The following PKP4 variants were observed in gnomAD, a reference collection of about 807,000 sequenced individuals.
The protein encoded by PKP4 is plakophilin 4.
PKP4 carries 90 observed loss-of-function variants against 145.1 expected under a neutral mutation model. The ratio of observed to expected loss-of-function variants is 0.62; its 90% CI spans 0.52 to 0.74. The LOEUF (loss-of-function observed/expected upper bound fraction) is 0.74, where lower values mean the gene tolerates loss of function less well. Ranked by LOEUF, PKP4 falls within the 30% of genes least tolerant of loss-of-function variation. The probability of loss-of-function intolerance (pLI) is 0.00; values close to 1 mark genes in which losing one functional copy is unlikely to be tolerated. For missense variants in PKP4, 1,340 were observed against 1,482.7 expected, an observed-to-expected ratio of 0.90 and a Z score of 1.58; for synonymous variants, 563 against 577.2, an observed-to-expected ratio of 0.98 and a Z score of 0.35.
chr2:158,648,489 G>A (rs971598426), intron 11 of PKP4, among the ~76,000 whole-genome samples: 8 of 152,254 alleles, frequency 5.3e-5, no homozygotes, highest in African/African-American at 1.7e-4. Context: ...ATTACTTGCC[G>A]TTACAGGATG....
intron 10 of PKP4, among the ~76,000 whole-genome samples, chr2:158,642,035 T>TG (rs1200352251): frequency 1.3e-5 from 2 of 150,990 alleles, no homozygotes; most frequent in Non-Finnish European, 3.0e-5. Context: ...TGGTGGGGGG[T>TG]GGGGGGCACA....
At chr2:158,654,925 G>A (rs936518414) in intron 11 of PKP4, among the ~76,000 whole-genome samples, 8 of 152,010 alleles carry the variant, frequency 5.3e-5, no homozygotes, top group African/African-American at 1.9e-4. Flanking sequence ...TAAAAGGATG[G>A]ATAATGATAG....
chr2:158,564,243 T>C (rs988614113), intron 2 of PKP4, among the ~76,000 whole-genome samples: 2 of 152,098 alleles, frequency 1.3e-5, no homozygotes, highest in East Asian at 3.9e-4. Context: ...AACAAACCTA[T>C]GTAGGCTTTG....
At chr2:158,498,904 A>ACAGCTGATGGTGGTGACAG (rs1696148103) in intron 1 of PKP4, among the ~76,000 whole-genome samples, 2 of 150,286 alleles carry the variant, frequency 1.3e-5, no homozygotes, top group Non-Finnish European at 2.9e-5. Flanking sequence ...TTTCTGCAGC[A>ACAGCTGATGGTGGTGACAG]CAGCTGATGG....
chr2:158,676,760 C>A lies in PKP4; in HGVS notation c.3149C>A (p.Pro1050Gln). 1.2e-6 allele frequency: 2 copies of A among 1,614,080 alleles called. No homozygotes were observed. The highest frequency in any genetic ancestry group is 1.7e-6 in the Non-Finnish European group (2 of 1,179,942). Residue 1050 changes from proline (P) to glutamine (Q), a missense_variant, in exon 20 of 22, where the codon CCA becomes CAA. Coordinates refer to ENST00000389759, the MANE Select transcript of PKP4 (RefSeq NM_003628.6). Reference protein sequence around the residue: ...IQSVGSTSSSPALLGIRDPRS... With the variant: ...IQSVGSTSSSQALLGIRDPRS... Reference sequence around the variant, plus strand: ...TCAGTCGGCAGCACCTCTTCCTCACCAGCACTGTTAGGAATCAGAGACCCT... The same window carrying A: ...TCAGTCGGCAGCACCTCTTCCTCACAAGCACTGTTAGGAATCAGAGACCCT...
intron 2 of PKP4, among the ~76,000 whole-genome samples, chr2:158,538,723 G>A (rs1461394515): frequency 2.0e-5 from 3 of 151,840 alleles, no homozygotes; most frequent in Non-Finnish European, 2.9e-5. Context: ...TGTATTTTTA[G>A]TAGAGACGAG....
chr2:158,676,923 G>A (rs553455823), intron 20 of PKP4, 56 bp downstream of exon 20: 141 of 1,608,816 alleles, frequency 8.8e-5, no homozygotes, highest in Non-Finnish European at 1.1e-4. Context: ...ATTTCCAGGC[G>A]CTTGGCCAGT....
intron 11 of PKP4, among the ~76,000 whole-genome samples, chr2:158,656,185 A>G (rs2055899245): frequency 6.6e-6 from 1 of 152,138 alleles, no homozygotes; most frequent in Non-Finnish European, 1.5e-5. Flanking sequence ...AGTTCCTCAC[A>G]TGGCTGCCCC....
At chr2:158,674,122 G>C in intron 19 of PKP4, 122 bp downstream of exon 19, 1 of 749,328 alleles carries the variant, frequency 1.3e-6, no homozygotes, top group South Asian at 1.5e-5. Flanking sequence ...CCATGCAGCA[G>C]AGAACCTTCT....
At chr2:158,565,212 T>C (rs2046869858) in intron 2 of PKP4, among the ~76,000 whole-genome samples, 1 of 152,192 alleles carries the variant, frequency 6.6e-6, no homozygotes, top group African/African-American at 2.4e-5. Context: ...TACTGCCCGA[T>C]ATTATTATTT....
chr2:158,543,960 G>A (rs1157175654), intron 2 of PKP4, among the ~76,000 whole-genome samples: 1 of 152,132 alleles, frequency 6.6e-6, no homozygotes, highest in Non-Finnish European at 1.5e-5. Context: ...ATCACTTTGC[G>A]GTTCAGGAAT....
At chr2:158,649,249 T>A (rs1418981616) in intron 11 of PKP4, among the ~76,000 whole-genome samples, 1 of 152,100 alleles carries the variant, frequency 6.6e-6, no homozygotes, top group African/African-American at 2.4e-5. Context: ...CAGGCAAGTC[T>A]CCAGGCTGAG....
intron 1 of PKP4, among the ~76,000 whole-genome samples, chr2:158,484,667 C>A (rs1693907699): frequency 6.6e-6 from 1 of 152,204 alleles, no homozygotes; most frequent in South Asian, 2.1e-4. Flanking sequence ...AAGATGATGA[C>A]AATCAGCCTT....
intron 2 of PKP4, among the ~76,000 whole-genome samples, chr2:158,538,091 T>A (rs1370836899): frequency 6.6e-6 from 1 of 152,082 alleles, no homozygotes; most frequent in African/African-American, 2.4e-5. Flanking sequence ...TTAAACTGAT[T>A]GATTTGTCAT....
chr2:158,561,205 G>T (rs554926028), intron 2 of PKP4, among the ~76,000 whole-genome samples: 1 of 152,176 alleles, frequency 6.6e-6, no homozygotes, highest in East Asian at 1.9e-4. Context: ...TGCACTCCCA[G>T]GTCAAAGGTG....
At chr2:158,528,685 A>AAAG (rs2043215937) in intron 1 of PKP4, among the ~76,000 whole-genome samples, 1 of 148,134 alleles carries the variant, frequency 6.8e-6, no homozygotes, top group Non-Finnish European at 1.5e-5. Context: ...AAAAAAAAAA[A>AAAG]AGAGACCTGG....
At chr2:158,638,776 T>A (rs1302437196) in intron 9 of PKP4, among the ~76,000 whole-genome samples, 2 of 152,212 alleles carry the variant, frequency 1.3e-5, no homozygotes, top group African/African-American at 4.8e-5. Flanking sequence ...AACTTGCTGA[T>A]GGATTCCATG....
chr2:158,556,615 C>T (rs554614217), intron 2 of PKP4, among the ~76,000 whole-genome samples: 130 of 150,400 alleles, frequency 8.6e-4, no homozygotes, highest in African/African-American at 2.9e-3. Context: ...CTCACTGTAA[C>T]GGATGCTGGA....
intron 1 of PKP4, among the ~76,000 whole-genome samples, chr2:158,477,933 T>C (rs539130186): frequency 3.9e-5 from 6 of 152,294 alleles, no homozygotes; most frequent in African/African-American, 1.2e-4. Flanking sequence ...AATAAATAAA[T>C]TGATGACTGT....
Sources: allele counts gnomAD v4.1 joint callset (sites outside exome capture counted in the v4.1 genomes callset), GRCh38; gene constraint gnomAD v4.1.1; transcripts MANE v1.5; gene names NCBI Gene and HGNC (gene_info 2026-07-23, HGNC 2026-07-21).